BACH2: variants seen among roughly 807,000 people sequenced by gnomAD.
BACH2 encodes transcription regulator protein BACH2.
BACH2 carries 5 observed loss-of-function variants against 61.8 expected under a neutral mutation model. That is an observed-to-expected ratio of 0.08 (90% confidence interval 0.04 to 0.17). The LOEUF (loss-of-function observed/expected upper bound fraction) is 0.17. BACH2 is among the 10% of genes least tolerant of loss of function. BACH2 has a pLI of 1.00. For missense variants in BACH2, 824 were observed against 1,091.1 expected (o/e 0.76, Z 3.45); for synonymous variants, 446 against 440.1 (o/e 1.01, Z -0.17).
intron 5 of BACH2, among the ~76,000 whole-genome samples, chr6:90,084,588 G>A (rs12661432): frequency 2.1e-4 from 32 of 149,254 alleles, no homozygotes; most frequent in Middle Eastern, 3.4e-3. Context: ...AACTGACTCA[G>A]AAACCTCTTT....
At chr6:90,103,029 A>ATATATATATTTTTTTTTTTTTT in intron 4 of BACH2, among the ~76,000 whole-genome samples, 1 of 21,164 alleles carries the variant, frequency 4.7e-5, no homozygotes, top group African/African-American at 2.4e-4. Flanking sequence ...ATATATATAT[A>ATATATATATTTTTTTTTTTTTT]TTTTTTTTTT....
intron 3 of BACH2, among the ~76,000 whole-genome samples, chr6:90,209,630 G>A (rs1165714640): frequency 2.0e-5 from 3 of 152,140 alleles, no homozygotes; most frequent in African/African-American, 7.2e-5. Flanking sequence ...GGAAATGTGG[G>A]CACAAGAAGA....
At chr6:90,067,414 A>G (rs954822570) in intron 5 of BACH2, among the ~76,000 whole-genome samples, 1 of 152,146 alleles carries the variant, frequency 6.6e-6, no homozygotes, top group Non-Finnish European at 1.5e-5. Flanking sequence ...GTGCTGCTGA[A>G]GGATCCTGAG....
intron 4 of BACH2, among the ~76,000 whole-genome samples, chr6:90,144,687 A>G (rs1304036654): frequency 6.6e-6 from 1 of 152,190 alleles, no homozygotes; most frequent in Non-Finnish European, 1.5e-5. Context: ...AATAAAACCA[A>G]TTTCTTACAA....
intron 5 of BACH2, among the ~76,000 whole-genome samples, chr6:90,034,847 C>T (rs929346739): frequency 6.6e-6 from 1 of 152,118 alleles, no homozygotes; most frequent in Non-Finnish European, 1.5e-5. Flanking sequence ...AATCTGAGAA[C>T]ATTAGTAAAG....
chr6:90,181,015 T>A (rs1004760052), intron 4 of BACH2, among the ~76,000 whole-genome samples: 1 of 152,160 alleles, frequency 6.6e-6, no homozygotes, highest in African/African-American at 2.4e-5. Context: ...TAGTGACTTC[T>A]TCTTTGGGTA....
At chr6:90,257,288 C>A (rs1055512093) in intron 2 of BACH2, among the ~76,000 whole-genome samples, 2 of 152,140 alleles carry the variant, frequency 1.3e-5, no homozygotes, top group African/African-American at 4.8e-5. Context: ...TTTTTAATTT[C>A]TTTAGAAACC....
At chr6:90,032,464 A>G (rs1394941685) in intron 5 of BACH2, among the ~76,000 whole-genome samples, 1 of 116,392 alleles carries the variant, frequency 8.6e-6, no homozygotes, top group Admixed American at 7.6e-5. Flanking sequence ...TCATCTGACA[A>G]AAGGCTAATA....
intron 6 of BACH2, among the ~76,000 whole-genome samples, chr6:89,998,627 A>G (rs1400741877): frequency 1.3e-5 from 2 of 152,198 alleles, no homozygotes; most frequent in African/African-American, 4.8e-5. Flanking sequence ...GTATTAACTG[A>G]TTAGTGCCCA....
intron 5 of BACH2, among the ~76,000 whole-genome samples, chr6:90,038,122 CTTAGGAAACTAGAACAACCTT>C (rs1246084341): frequency 6.6e-6 from 1 of 152,120 alleles, no homozygotes; most frequent in Non-Finnish European, 1.5e-5. Flanking sequence ...TTATGGAAGC[CTTAGGAAACTAGAACAACCTT>C]AAAGAAGATT....
At position 89,938,358 on chromosome 6, in the gene BACH2, C is replaced by T. The variant is rs1410698142; in HGVS notation, c.1837-8G>A. ...AGGAAAAGGAAGTTTTACCTGAAAC[C>T]AAGAATAACAGAAAATGATTATGGC... On this transcript the variant is annotated splice_polypyrimidine_tract_variant and splice_region_variant and intron_variant, in intron 7 of 8. Transcript: ENST00000257749. The T allele has an allele frequency of 5.6e-6, 9 of 1,604,882 alleles. No homozygotes were observed. Among genetic ancestry groups the T allele is most frequent in the Non-Finnish European group, 6.8e-6 (8 of 1,172,374 alleles).
intron 4 of BACH2, among the ~76,000 whole-genome samples, chr6:90,162,482 T>C (rs997025494): frequency 4.0e-5 from 6 of 151,752 alleles, no homozygotes; most frequent in African/African-American, 1.5e-4. Context: ...CTACAAAAAA[T>C]TTTTTAAAAA....
rs533559701 is a variant in BACH2 at position 89,934,811 on chromosome 6, G to A, written c.2044-1921C>T. 4.5e-4 allele frequency among the ~76,000 whole-genome samples: 68 copies of A among 152,052 alleles called. 1 individual carries two copies. Among genetic ancestry groups the A allele is most frequent in the African/African-American group, 1.5e-3 (61 of 41,446 alleles). On this transcript the variant is annotated intron_variant, in intron 8 of 8. Transcript: ENST00000257749. ...GCAAGCGCAGGCAGGAGAAGAGGAC[G>A]GGAGAGAAAATGAAGAGGAGAAAGG...
chr6:90,016,969 T>C (rs1778101352), intron 5 of BACH2, among the ~76,000 whole-genome samples: 1 of 152,212 alleles, frequency 6.6e-6, no homozygotes, highest in Non-Finnish European at 1.5e-5. Flanking sequence ...ATCACTTGTT[T>C]TGAGCAATTT....
chr6:90,000,066 G>GT (rs1777054624), intron 6 of BACH2, among the ~76,000 whole-genome samples: 1 of 152,194 alleles, frequency 6.6e-6, no homozygotes, highest in Non-Finnish European at 1.5e-5. Flanking sequence ...TTTAAAAAAT[G>GT]TAAGAGGTTT....
chr6:90,230,490 C>G (rs206912), intron 3 of BACH2, among the ~76,000 whole-genome samples: 2 of 152,236 alleles, frequency 1.3e-5, no homozygotes, highest in African/African-American at 4.8e-5. Context: ...CAGTACTGGT[C>G]GTAGGACAAC....
intron 4 of BACH2, among the ~76,000 whole-genome samples, chr6:90,155,447 G>C (rs1307601710): frequency 1.3e-5 from 2 of 152,238 alleles, no homozygotes; most frequent in Non-Finnish European, 2.9e-5. Flanking sequence ...AGAATGCCAT[G>C]CAAGGGCTAG....
At chr6:89,946,899 G>A (rs1195203548) in intron 7 of BACH2, among the ~76,000 whole-genome samples, 1 of 152,134 alleles carries the variant, frequency 6.6e-6, no homozygotes, top group Non-Finnish European at 1.5e-5. Flanking sequence ...GATCTTTCTC[G>A]AAGCCAGGGA....
intron 4 of BACH2, among the ~76,000 whole-genome samples, chr6:90,124,475 T>G (rs1783766624): frequency 6.6e-6 from 1 of 152,190 alleles, no homozygotes; most frequent in South Asian, 2.1e-4. Flanking sequence ...AGGAAATTGT[T>G]AACAATTCAG....
Sources: allele counts gnomAD v4.1 joint callset (sites outside exome capture counted in the v4.1 genomes callset), GRCh38; gene constraint gnomAD v4.1.1; transcripts MANE v1.5; gene names NCBI Gene and HGNC (gene_info 2026-07-23, HGNC 2026-07-21).